Variants in DTL observed in about 807,000 individuals in gnomAD.
The protein encoded by DTL is denticleless E3 ubiquitin protein ligase adapter.
Under a neutral mutation model 87.0 loss-of-function variants are expected in DTL, and 46 were observed. The observed-to-expected ratio is 0.53, with a 90% CI of 0.42 to 0.68. The LOEUF (loss-of-function observed/expected upper bound fraction) is 0.68. Ranked by LOEUF, DTL falls within the 30% of genes least tolerant of loss-of-function variation. The probability of loss-of-function intolerance (pLI) is 0.00; values close to 1 mark genes in which losing one functional copy is unlikely to be tolerated. For missense variants in DTL, 737 were observed against 869.4 expected (o/e 0.85, Z 1.91); for synonymous variants, 308 against 311.2 (o/e 0.99, Z 0.11).
At chr1:212,082,539 T>G (rs1655018188) in intron 13 of DTL, among the ~76,000 whole-genome samples, 1 of 152,040 alleles carries the variant, frequency 6.6e-6, no homozygotes, top group South Asian at 2.1e-4. Context: ...TGATACACAG[T>G]AGGAGGGTAG....
chr1:212,090,296 CA>C (rs1210544344), intron 13 of DTL, among the ~76,000 whole-genome samples: 1 of 152,094 alleles, frequency 6.6e-6, no homozygotes, highest in Non-Finnish European at 1.5e-5. Flanking sequence ...GTGAAAAACA[CA>C]GGGTAAAAAA....
chr1:212,082,892 C>T (rs931898159), intron 13 of DTL, among the ~76,000 whole-genome samples: 19 of 152,060 alleles, frequency 1.2e-4, no homozygotes, highest in African/African-American at 4.6e-4. Context: ...GTGAGCACTC[C>T]ACATGGTTGT....
chr1:212,086,431 A>G (rs1655131228), intron 13 of DTL, among the ~76,000 whole-genome samples: 1 of 152,218 alleles, frequency 6.6e-6, no homozygotes, highest in South Asian at 2.1e-4. Context: ...TTTCCCTTAT[A>G]CATAGAGATT....
intron 1 of DTL, among the ~76,000 whole-genome samples, chr1:212,039,981 G>A (rs1019173924): frequency 1.3e-5 from 2 of 152,096 alleles, no homozygotes; most frequent in African/African-American, 2.4e-5. Context: ...TACTTAGGCT[G>A]CATTAAATTG....
intron 5 of DTL, among the ~76,000 whole-genome samples, chr1:212,060,323 A>G (rs1455848447): frequency 6.6e-6 from 1 of 152,210 alleles, no homozygotes; most frequent in Admixed American, 6.5e-5. Context: ...ATAAATCCAT[A>G]TATTTACAGC....
chr1:212,099,257 C>T (rs1170568845), intron 13 of DTL, among the ~76,000 whole-genome samples: 2 of 149,720 alleles, frequency 1.3e-5, no homozygotes, highest in African/African-American at 5.0e-5. Context: ...TGTTTTGAAA[C>T]GGAGTCTCGC....
chr1:212,037,620 C>A (rs1273769501), intron 1 of DTL, among the ~76,000 whole-genome samples: 1 of 152,190 alleles, frequency 6.6e-6, no homozygotes, highest in Non-Finnish European at 1.5e-5. Context: ...CACCGAACTT[C>A]TAAAGAAAGA....
intron 13 of DTL, among the ~76,000 whole-genome samples, chr1:212,093,038 CT>C (rs565427683): frequency 6.6e-6 from 1 of 151,944 alleles, no homozygotes; most frequent in Non-Finnish European, 1.5e-5. Flanking sequence ...CTGTGTATAT[CT>C]TTTTTTTGAG....
intron 13 of DTL, among the ~76,000 whole-genome samples, chr1:212,085,572 A>G (rs1228173570): frequency 1.3e-5 from 2 of 152,178 alleles, no homozygotes; most frequent in African/African-American, 2.4e-5. Flanking sequence ...ATGATTTGCA[A>G]TGATTTATTC....
intron 11 of DTL, among the ~76,000 whole-genome samples, chr1:212,077,424 C>T (rs542915867): frequency 1.2e-4 from 18 of 152,198 alleles, no homozygotes; most frequent in Non-Finnish European, 2.1e-4. Flanking sequence ...TATTAAAATG[C>T]GAGTGACACT....
chr1:212,046,614 C>T (rs1180301347), intron 3 of DTL, among the ~76,000 whole-genome samples: 1 of 152,188 alleles, frequency 6.6e-6, no homozygotes, highest in Non-Finnish European at 1.5e-5. Flanking sequence ...CTGCAAAGGA[C>T]ATGATCTCAT....
chr1:212,097,333 A>G (rs1571984964), intron 13 of DTL, among the ~76,000 whole-genome samples: 1 of 152,066 alleles, frequency 6.6e-6, no homozygotes, highest in South Asian at 2.1e-4. Context: ...CTAGGTGATG[A>G]TCTTTTTGTG....
At chr1:212,078,340 A>C (rs908740307) in intron 12 of DTL, 78 bp downstream of exon 12, 2 of 912,504 alleles carry the variant, frequency 2.2e-6, no homozygotes, top group African/African-American at 3.4e-5. Flanking sequence ...TGTTTTGAGA[A>C]TGATATAAAT....
Position 212,100,653 on chromosome 1 carries a change from C to T in DTL, c.1663C>T (p.Leu555=), listed in dbSNP as rs769321641. 1.9e-6 allele frequency: 3 copies of T among 1,613,924 alleles called. No homozygotes were observed. In the African/African-American group the frequency reaches 4.0e-5, roughly 22 times the overall value. Residue 555 remains leucine (L), a synonymous_variant, in exon 14 of 15, where the codon CTA becomes TTA. Coordinates refer to ENST00000366991, the MANE Select transcript of DTL (RefSeq NM_016448.4). The stretch of plus-strand genomic sequence containing the variant: ...GTCTAGAAATAGAGTAAAGAGGAGG[C>T]TAGACTCAAGCTGTCTGGAGAGTGT... ...SESRNRVKRR[L]DSSCLESVKQ...
chr1:212,054,562 G>A lies in DTL; in HGVS notation c.460+7145G>A, dbSNP rs186762458. Among the ~76,000 whole-genome samples the A allele has an allele frequency of 7.9e-3, 1,203 of 152,130 alleles. 60 individuals carry two copies. The highest frequency in any genetic ancestry group is 0.07 in the Admixed American group (1,063 of 15,282). Reference sequence around the variant, plus strand: ...TAATCCCAGCACTTTGCAAGGCTGAGGTGGGCTGATCACCTGAGGTCAGGA... The same window carrying A: ...TAATCCCAGCACTTTGCAAGGCTGAAGTGGGCTGATCACCTGAGGTCAGGA... On this transcript the variant is annotated intron_variant, in intron 5 of 14. Transcript: ENST00000366991.
intron 5 of DTL, among the ~76,000 whole-genome samples, chr1:212,059,223 A>G (rs1053192888): frequency 3.3e-5 from 5 of 152,080 alleles, no homozygotes; most frequent in African/African-American, 1.2e-4. Flanking sequence ...AAGGACACAC[A>G]CAAAAAAACT....
Position 212,044,656 on chromosome 1 carries a change from T to G in DTL, c.179-4T>G. The G allele has an allele frequency of 6.3e-7, 1 of 1,581,636 alleles. No individual in the cohort carries two copies. The stretch of plus-strand genomic sequence containing the variant: ...ATATATTTTTTTCTTTATTTCTGCT[T>G]TAGCTCCCAATATGGAACATGTACT... On this transcript the variant is annotated splice_polypyrimidine_tract_variant and splice_region_variant and intron_variant, in intron 2 of 14. Coordinates refer to ENST00000366991, the MANE Select transcript of DTL (RefSeq NM_016448.4).
intron 6 of DTL, among the ~76,000 whole-genome samples, chr1:212,064,616 G>A (rs1558079207): frequency 6.6e-6 from 1 of 152,108 alleles, no homozygotes; most frequent in Non-Finnish European, 1.5e-5. Flanking sequence ...GCTTTATCAA[G>A]CTCATTTCTT....
intron 13 of DTL, among the ~76,000 whole-genome samples, chr1:212,090,532 A>G (rs760129966): frequency 1.1e-4 from 17 of 152,260 alleles, no homozygotes; most frequent in Non-Finnish European, 2.1e-4. Context: ...TCAGCAATCT[A>G]GAAAGCTCAG....
Sources: gnomAD v4.1 joint callset for allele counts (sites outside exome capture counted in the v4.1 genomes callset) on GRCh38, gnomAD v4.1.1 for gene constraint, MANE v1.5 for transcripts, NCBI Gene and HGNC (gene_info 2026-07-23, HGNC 2026-07-21) for gene names.